MYT1L: variants seen among roughly 807,000 people sequenced by gnomAD.
MYT1L encodes myelin transcription factor 1 like, also known as myelin transcription factor 1-like protein.
In MYT1L, 12 loss-of-function variants were observed where a neutral mutation model predicts 126.7. The ratio of observed to expected loss-of-function variants is 0.09; its 90% CI spans 0.06 to 0.15. The LOEUF is 0.15. Ranked by LOEUF, MYT1L falls within the 10% of genes least tolerant of loss-of-function variation. MYT1L has a pLI of 1.00. For synonymous variants in MYT1L, 541 were observed against 604.2 expected (o/e 0.90, Z 1.53); for missense variants, 979 against 1,585.2 (o/e 0.62, Z 6.49).
intron 3 of MYT1L, among the ~76,000 whole-genome samples, chr2:2,132,385 A>G (rs926309332): frequency 3.9e-5 from 6 of 152,218 alleles, no homozygotes; most frequent in African/African-American, 1.2e-4. Flanking sequence ...AGACTATGGA[A>G]TACTATGCAG....
intron 3 of MYT1L, among the ~76,000 whole-genome samples, chr2:2,128,461 A>C (rs1214003664): frequency 1.3e-5 from 2 of 152,122 alleles, no homozygotes; most frequent in African/African-American, 4.8e-5. Flanking sequence ...CTTAAGCTTG[A>C]ACTTCTAAAT....
chr2:1,941,966 T>C (rs999768734), intron 9 of MYT1L, among the ~76,000 whole-genome samples: 3 of 152,162 alleles, frequency 2.0e-5, no homozygotes, highest in Non-Finnish European at 4.4e-5. Context: ...ATCTCCCTGA[T>C]GTATGGAGGC....
intron 2 of MYT1L, among the ~76,000 whole-genome samples, chr2:2,273,943 C>T (rs2095312810): frequency 6.6e-6 from 1 of 152,042 alleles, no homozygotes; most frequent in South Asian, 2.1e-4. Flanking sequence ...CAAAAAATTG[C>T]TGTAAAGACC....
rs1279527292 is a variant in MYT1L, at chr2:1,789,184, T to C, written c.*2683A>G. The C allele has an allele frequency of 6.6e-6, 1 of 152,238 alleles. No homozygotes were observed. Among genetic ancestry groups the C allele is most frequent in the African/African-American group, 2.4e-5 (1 of 41,464 alleles). 9.4% of individuals were successfully genotyped at this position (152,238 alleles called of 1,614,324 possible). A position where few individuals can be genotyped will look rare whatever the true frequency, so the allele number is the denominator to read the frequency against. ...GAGTAAGATGTGTTAACATCCAGCA[T>C]GACAAAATTTGTACAAAGTTCACAA... is the stretch of plus-strand genomic sequence containing the variant. On this transcript the variant is annotated 3_prime_UTR_variant, in exon 25 of 25. Coordinates refer to ENST00000647738, the MANE Select transcript of MYT1L (RefSeq NM_001303052.2).
intron 9 of MYT1L, among the ~76,000 whole-genome samples, chr2:1,934,186 G>A (rs1022205027): frequency 6.6e-6 from 1 of 151,312 alleles, no homozygotes; most frequent in East Asian, 2.0e-4. Flanking sequence ...GTGTTAGCCA[G>A]GATGGTCTCG....
chr2:2,117,379 C>T (rs887552876), intron 3 of MYT1L, among the ~76,000 whole-genome samples: 1 of 152,188 alleles, frequency 6.6e-6, no homozygotes, highest in South Asian at 2.1e-4. Flanking sequence ...GCATGTTGTC[C>T]TGGACGTCTC....
chr2:2,113,067 C>T (rs533621187), intron 3 of MYT1L, among the ~76,000 whole-genome samples: 43 of 152,260 alleles, frequency 2.8e-4, no homozygotes, highest in African/African-American at 9.9e-4. Context: ...CCACGGGGGC[C>T]CTGCCAGCTT....
Position 2,104,891 on chromosome 2 carries a change from G to A in MYT1L, c.-303-50768C>T, listed in dbSNP as rs541703073. ...CCGAAGTTCTGAATCATTAACAGCT[G>A]TTACTCTTCTTTAAGGAGAGGTCAC... On this transcript the variant is annotated intron_variant, in intron 3 of 24. Coordinates refer to ENST00000647738, the MANE Select transcript of MYT1L (RefSeq NM_001303052.2). 1.2e-4 allele frequency among the ~76,000 whole-genome samples: 19 copies of A among 152,216 alleles called. No individual in the cohort carries two copies. In the East Asian group the frequency reaches 3.7e-3, roughly 29 times the overall value.
chr2:2,087,174 G>C (rs1226317528), intron 3 of MYT1L, among the ~76,000 whole-genome samples: 2 of 152,162 alleles, frequency 1.3e-5, no homozygotes, highest in Non-Finnish European at 2.9e-5. Flanking sequence ...TTCTCTTTCA[G>C]TCTTGGGTGC....
Position 1,924,582 on chromosome 2 carries a change from T to A in MYT1L, c.506-1319A>T, listed in dbSNP as rs142652697. 2.6e-5 allele frequency among the ~76,000 whole-genome samples: 4 copies of A among 152,224 alleles called. No individual in the cohort carries two copies. The East Asian group carries it at 7.7e-4, about 29-fold the overall frequency. Reference sequence around the variant, plus strand: ...AGGTTGGTGGAAAAAAGACTTGGAGTTCAATATGTCAATAACAGAAAATAA... The same window carrying A: ...AGGTTGGTGGAAAAAAGACTTGGAGATCAATATGTCAATAACAGAAAATAA... On this transcript the variant is annotated intron_variant, in intron 9 of 24. Coordinates refer to ENST00000647738, the MANE Select transcript of MYT1L (RefSeq NM_001303052.2).
In MYT1L at chr2:1,851,637, A is replaced by T. The variant is rs999404734; in HGVS notation, c.2774+4T>A. The T allele has an allele frequency of 6.2e-7, 1 of 1,613,022 alleles. No homozygotes were observed. Among genetic ancestry groups the T allele is most frequent in the Non-Finnish European group, 8.5e-7 (1 of 1,179,054 alleles). On this transcript the variant is annotated splice_donor_region_variant and intron_variant, in intron 19 of 24. Transcript: ENST00000647738. The stretch of plus-strand genomic sequence containing the variant: ...TTGGAGAGAAGAGTAGCATCTCTAC[A>T]TACCTCCGATGAGAAGCATAATTGC...
intron 4 of MYT1L, among the ~76,000 whole-genome samples, chr2:2,013,518 C>T (rs2064046635): frequency 6.6e-6 from 1 of 152,212 alleles, no homozygotes; most frequent in Admixed American, 6.5e-5. Flanking sequence ...GAACCGGAGG[C>T]TCATGGTCAC....
In MYT1L at chr2:2,224,848, G is replaced by A. The variant is rs2093968521; in HGVS notation, c.-420-51860C>T. 6.6e-6 allele frequency among the ~76,000 whole-genome samples: 1 copy of A among 151,404 alleles called. No homozygotes were observed. The highest frequency in any genetic ancestry group is 2.1e-4 in the South Asian group (1 of 4,798). ...GAAAAAAAAAAAAAGGAAAATAAAT[G>A]TTTCAAATCCTTGAGAAAGGTCTTA... On this transcript the variant is annotated intron_variant, in intron 2 of 24. Transcript: ENST00000647738. The surrounding 1 kb of genome is among the most constrained non-coding windows in gnomAD (Gnocchi z 4.0).
intron 4 of MYT1L, among the ~76,000 whole-genome samples, chr2:2,016,974 G>A (rs963758843): frequency 2.6e-5 from 4 of 152,256 alleles, no homozygotes; most frequent in Non-Finnish European, 4.4e-5. Context: ...ACAATGTAAA[G>A]GAGGAGATAT....
intron 2 of MYT1L, among the ~76,000 whole-genome samples, chr2:2,220,857 A>G (rs985928667): frequency 3.9e-5 from 6 of 152,194 alleles, no homozygotes; most frequent in Non-Finnish European, 8.8e-5. Context: ...AGATAAAAAA[A>G]TCAAGGCTTA....
chr2:2,050,794 G>T (rs550496489), intron 4 of MYT1L, among the ~76,000 whole-genome samples: 9 of 152,150 alleles, frequency 5.9e-5, no homozygotes, highest in Non-Finnish European at 1.2e-4. Flanking sequence ...CTGCTTTGCC[G>T]TGGCGGTGGT....
intron 13 of MYT1L, among the ~76,000 whole-genome samples, chr2:1,907,275 TAC>T (rs2051210341): frequency 6.6e-6 from 1 of 152,118 alleles, no homozygotes; most frequent in Admixed American, 6.5e-5. Flanking sequence ...AAGTAAGTTT[TAC>T]AGAATGGGTT....
chr2:2,212,692 A>C (rs973986933), intron 2 of MYT1L, among the ~76,000 whole-genome samples: 1 of 152,164 alleles, frequency 6.6e-6, no homozygotes, highest in Non-Finnish European at 1.5e-5. Flanking sequence ...CATTAGCCTT[A>C]ATTGTTAACA....
At chr2:2,063,296 CT>C (rs1462122465) in intron 3 of MYT1L, among the ~76,000 whole-genome samples, 2 of 152,144 alleles carry the variant, frequency 1.3e-5, no homozygotes, top group East Asian at 1.9e-4. Flanking sequence ...TTATTTTCTT[CT>C]TTTTTGTTTG....
Sources: allele counts gnomAD v4.1 joint callset (sites outside exome capture counted in the v4.1 genomes callset), GRCh38; gene constraint gnomAD v4.1.1; non-coding constraint Gnocchi (gnomAD v3.1); transcripts MANE v1.5; gene names NCBI Gene and HGNC (gene_info 2026-07-23, HGNC 2026-07-21).